Variants in PPP1R12A observed in about 807,000 individuals in gnomAD.
PPP1R12A encodes myosin binding subunit.
A neutral mutation model predicts 139.6 loss-of-function variants in PPP1R12A; 19 were observed. The observed-to-expected ratio is 0.14, with a 90% CI of 0.09 to 0.20. PPP1R12A has a LOEUF of 0.20. Among genes scored for constraint, PPP1R12A ranks in the 10% least tolerant of loss-of-function variants. PPP1R12A has a pLI of 1.00. For synonymous variants in PPP1R12A, 427 were observed against 420.6 expected, an observed-to-expected ratio of 1.02 and a Z score of -0.19; for missense variants, 925 against 1,211.5, an observed-to-expected ratio of 0.76 and a Z score of 3.51.
At chr12:79,875,204 C>T (rs1228623511) in intron 1 of PPP1R12A, among the ~76,000 whole-genome samples, 1 of 152,120 alleles carries the variant, frequency 6.6e-6, no homozygotes, top group Non-Finnish European at 1.5e-5. Context: ...TTCATAAACA[C>T]ACTCCATTTA....
upstream of PPP1R12A, chr12:79,935,212 T>A: frequency 7.7e-7 from 1 of 1,292,968 alleles, no homozygotes; most frequent in Non-Finnish European, 9.8e-7. Flanking sequence ...AGATCCGGAC[T>A]GGGAGGCGCC....
chr12:79,929,631 T>C (rs1888100683), intron 1 of PPP1R12A, among the ~76,000 whole-genome samples: 2 of 152,020 alleles, frequency 1.3e-5, no homozygotes, highest in Non-Finnish European at 2.9e-5. Flanking sequence ...TAGCCAGGCA[T>C]GGTGCCACGC....
At chr12:79,859,515 A>G (rs1389000042) in intron 2 of PPP1R12A, among the ~76,000 whole-genome samples, 1 of 152,190 alleles carries the variant, frequency 6.6e-6, no homozygotes, top group African/African-American at 2.4e-5. Context: ...AAGCCAAGCC[A>G]TAAGTAAGTC....
At chr12:79,853,981 T>C (rs1280701010) in intron 2 of PPP1R12A, among the ~76,000 whole-genome samples, 1 of 152,226 alleles carries the variant, frequency 6.6e-6, no homozygotes, top group East Asian at 1.9e-4. Flanking sequence ...CAGCTATTCA[T>C]ATTGTTTTCA....
intron 3 of PPP1R12A, among the ~76,000 whole-genome samples, chr12:79,837,933 T>G (rs1477368640): frequency 6.6e-6 from 1 of 152,132 alleles, no homozygotes; most frequent in Non-Finnish European, 1.5e-5. Context: ...ACTAATACAG[T>G]AATTTGGTAT....
chr12:79,782,596 C>G (rs1256132939), intron 22 of PPP1R12A: 1 of 454,152 alleles, frequency 2.2e-6, no homozygotes, highest in Non-Finnish European at 4.4e-6. Flanking sequence ...CTGGAGAGCT[C>G]TGGACATTAA....
intron 1 of PPP1R12A, among the ~76,000 whole-genome samples, chr12:79,906,319 A>G (rs1268598404): frequency 1.3e-5 from 2 of 152,162 alleles, no homozygotes; most frequent in African/African-American, 2.4e-5. Flanking sequence ...CAAATATACA[A>G]AATACATTTA....
Position 79,833,601 on chromosome 12 carries a change from G to A in PPP1R12A, c.488-1110C>T, listed in dbSNP as rs919259620. Among the ~76,000 whole-genome samples, 18 of 150,240 alleles carry A rather than the reference G, an allele frequency of 1.2e-4. 1 individual carries two copies. In the Admixed American group the frequency reaches 1.2e-3, roughly 10 times the overall value. On this transcript the variant is annotated intron_variant, in intron 3 of 24. Coordinates refer to ENST00000450142, the MANE Select transcript of PPP1R12A (RefSeq NM_002480.3). The stretch of plus-strand genomic sequence containing the variant: ...GCACTTTGAGAGGGTGAGATGGGCA[G>A]ATCATTTGAGGTCAGCAGTTCAAGA...
chr12:79,778,309 G>C (rs914309208), intron 24 of PPP1R12A: 1 of 279,116 alleles, frequency 3.6e-6, no homozygotes, highest in Non-Finnish European at 6.5e-6. Context: ...AAAATAATTC[G>C]GGTTTTATTT....
chr12:79,929,111 C>T (rs988848657), intron 1 of PPP1R12A, among the ~76,000 whole-genome samples: 3 of 152,166 alleles, frequency 2.0e-5, no homozygotes, highest in African/African-American at 7.2e-5. Context: ...CTCACATCAT[C>T]ATCAGGAATT....
At chr12:79,859,176 A>T (rs1881018624) in intron 2 of PPP1R12A, among the ~76,000 whole-genome samples, 1 of 151,956 alleles carries the variant, frequency 6.6e-6, no homozygotes, top group African/African-American at 2.4e-5. Flanking sequence ...TCTACTAAAA[A>T]TACAAAAAAA....
chr12:79,918,942 C>T (rs1210141674), intron 1 of PPP1R12A, among the ~76,000 whole-genome samples: 1 of 151,988 alleles, frequency 6.6e-6, no homozygotes, highest in Non-Finnish European at 1.5e-5. Flanking sequence ...ACGGCGAAAC[C>T]CCGTCTCTAC....
intron 3 of PPP1R12A, among the ~76,000 whole-genome samples, chr12:79,840,017 T>A (rs1177719698): frequency 6.6e-6 from 1 of 152,160 alleles, no homozygotes; most frequent in East Asian, 1.9e-4. Flanking sequence ...ATTATATGTA[T>A]CAAATGAACA....
intron 10 of PPP1R12A, 79 bp from the exon 11 acceptor site, chr12:79,808,656 T>C: frequency 1.4e-6 from 1 of 736,378 alleles, no homozygotes; most frequent in Admixed American, 2.4e-5. Flanking sequence ...TAAGAAAAGG[T>C]TATTCAATAA....
intron 2 of PPP1R12A, among the ~76,000 whole-genome samples, chr12:79,857,585 AATAATAAAAAAAT>A (rs1425860807): frequency 1.3e-5 from 2 of 150,316 alleles, no homozygotes; most frequent in African/African-American, 5.0e-5. Flanking sequence ...AATAAAAAAT[AATAATAAAAAAAT>A]AATAAAATAA....
chr12:79,818,852 G>C (rs577365238), intron 8 of PPP1R12A: 26 of 152,098 alleles, frequency 1.7e-4, no homozygotes, highest in Non-Finnish European at 3.8e-4. Flanking sequence ...AGTTTCCCAA[G>C]GAAATAACCT....
At chr12:79,801,977 G>A (rs1873238095) in intron 14 of PPP1R12A, among the ~76,000 whole-genome samples, 1 of 152,084 alleles carries the variant, frequency 6.6e-6, no homozygotes, top group Non-Finnish European at 1.5e-5. Context: ...AGATATAACA[G>A]ATACTATGTT....
intron 19 of PPP1R12A, 51 bp downstream of exon 19, chr12:79,793,812 A>C: frequency 7.3e-7 from 1 of 1,377,044 alleles, no homozygotes. Flanking sequence ...ATTTAAAAGT[A>C]ATTATTAAAA....
intron 24 of PPP1R12A, 84 bp downstream of exon 24, chr12:79,778,466 T>A (rs1438056047): frequency 4.3e-5 from 40 of 940,796 alleles, no homozygotes; most frequent in Non-Finnish European, 5.9e-5. Flanking sequence ...TTGAGAACAA[T>A]TAATGTAAAC....
Sources: gnomAD v4.1 joint callset for allele counts (sites outside exome capture counted in the v4.1 genomes callset) on GRCh38, gnomAD v4.1.1 for gene constraint, MANE v1.5 for transcripts, NCBI Gene and HGNC (gene_info 2026-07-23, HGNC 2026-07-21) for gene names.